The following RPS6KC1 variants were observed in gnomAD, a reference collection of about 807,000 sequenced individuals.
RPS6KC1 encodes the protein inactive ribosomal protein S6 kinase delta-1.
RPS6KC1 carries 54 observed loss-of-function variants against 103.8 expected under a neutral mutation model. The ratio of observed to expected loss-of-function variants is 0.52; its 90% CI spans 0.42 to 0.65. The LOEUF (loss-of-function observed/expected upper bound fraction) is 0.65. RPS6KC1 is among the 30% of genes least tolerant of loss of function. RPS6KC1 has a pLI of 0.00. For synonymous variants in RPS6KC1, 439 were observed against 438.7 expected, an observed-to-expected ratio of 1.00 and a Z score of -0.01; for missense variants, 1,151 against 1,253.8, an observed-to-expected ratio of 0.92 and a Z score of 1.24.
the RPS6KC1 span, among the ~76,000 whole-genome samples, chr1:213,611,801 C>A: frequency 6.6e-6 from 1 of 152,134 alleles, no homozygotes; most frequent in African/African-American, 2.4e-5. Context: ...ATACTTGGAG[C>A]CATCAAACTG....
chr1:213,053,985 T>G (rs1976333), intron 1 of RPS6KC1, among the ~76,000 whole-genome samples: 110,374 of 151,898 alleles, frequency 0.73, 40,876 homozygotes, highest in African/African-American at 0.86. Flanking sequence ...ACAGGCGCCC[T>G]CCACCATACC....
intron 6 of RPS6KC1, among the ~76,000 whole-genome samples, chr1:213,131,278 T>C (rs1217910322): frequency 2.0e-5 from 3 of 152,222 alleles, no homozygotes; most frequent in Non-Finnish European, 2.9e-5. Flanking sequence ...TTTCAAATAA[T>C]TGATTCTAAA....
intron 8 of RPS6KC1, among the ~76,000 whole-genome samples, chr1:213,208,458 A>T (rs1404791225): frequency 6.6e-6 from 1 of 151,964 alleles, no homozygotes; most frequent in Admixed American, 6.5e-5. Context: ...TTTCACAGTG[A>T]TGTTGTGGTG....
At chr1:213,852,099 T>G in the RPS6KC1 span, among the ~76,000 whole-genome samples, 1 of 152,146 alleles carries the variant, frequency 6.6e-6, no homozygotes, top group Non-Finnish European at 1.5e-5. Context: ...CTTGACCTTG[T>G]CAAACATTCC....
At chr1:213,254,982 A>C (rs754415505) in intron 12 of RPS6KC1, among the ~76,000 whole-genome samples, 12 of 152,116 alleles carry the variant, frequency 7.9e-5, no homozygotes, top group Non-Finnish European at 1.5e-4. Flanking sequence ...GGCAAAAAAA[A>C]AAAGTGGTAG....
At chr1:213,617,880 G>C in the RPS6KC1 span, among the ~76,000 whole-genome samples, 4 of 152,336 alleles carry the variant, frequency 2.6e-5, no homozygotes, top group African/African-American at 7.2e-5. Flanking sequence ...CCATCGAGGA[G>C]ATTTAGACAG....
At chr1:213,519,350 A>C in the RPS6KC1 span, among the ~76,000 whole-genome samples, 1 of 152,200 alleles carries the variant, frequency 6.6e-6, no homozygotes, top group African/African-American at 2.4e-5. Flanking sequence ...CGAGCTTATA[A>C]AACTGAGAAA....
chr1:213,618,584 A>G, the RPS6KC1 span, among the ~76,000 whole-genome samples: 1 of 152,226 alleles, frequency 6.6e-6, no homozygotes. Flanking sequence ...CACTAGAATG[A>G]GTATTATTTT....
At chr1:213,083,193 TG>T (rs2080061655) in intron 3 of RPS6KC1, among the ~76,000 whole-genome samples, 1 of 152,156 alleles carries the variant, frequency 6.6e-6, no homozygotes, top group Non-Finnish European at 1.5e-5. Flanking sequence ...CAAATTTTAC[TG>T]GAAGGAAGGC....
chr1:213,584,754 G>C, the RPS6KC1 span, among the ~76,000 whole-genome samples: 1 of 152,178 alleles, frequency 6.6e-6, no homozygotes, highest in Admixed American at 6.5e-5. Flanking sequence ...GAAGATGAAT[G>C]GTTCTTAGGT....
At chr1:213,486,543 G>A in the RPS6KC1 span, among the ~76,000 whole-genome samples, 18 of 152,112 alleles carry the variant, frequency 1.2e-4, no homozygotes, top group African/African-American at 4.3e-4. Context: ...GAAAGGTGAT[G>A]TTTGAGTACT....
At chr1:213,612,884 T>C in the RPS6KC1 span, among the ~76,000 whole-genome samples, 1 of 152,200 alleles carries the variant, frequency 6.6e-6, no homozygotes, top group South Asian at 2.1e-4. Flanking sequence ...TACCTTCTCC[T>C]TCAGAGAATA....
At chr1:213,387,711 G>A in the RPS6KC1 span, among the ~76,000 whole-genome samples, 1 of 152,242 alleles carries the variant, frequency 6.6e-6, no homozygotes, top group East Asian at 1.9e-4. Context: ...GTTAGCAGAA[G>A]CTAAAGAAAA....
chr1:213,129,896 T>C lies in RPS6KC1; in HGVS notation c.835+7T>C. 6.3e-7 allele frequency: 1 copy of C among 1,575,238 alleles called. No homozygotes were observed. The highest frequency in any genetic ancestry group is 8.6e-7 in the Non-Finnish European group (1 of 1,169,404). On this transcript the variant is annotated splice_region_variant and intron_variant, in intron 6 of 14. Coordinates refer to ENST00000366960, the MANE Select transcript of RPS6KC1 (RefSeq NM_012424.6). ...CTCCTAGAAGGTGTTCAAGGTATGGTTTTATGTATATTATGTTTTGGCATG... is the reference window on the plus strand; with the variant it reads ...CTCCTAGAAGGTGTTCAAGGTATGGCTTTATGTATATTATGTTTTGGCATG...
At chr1:213,460,142 A>C in the RPS6KC1 span, among the ~76,000 whole-genome samples, 1 of 152,080 alleles carries the variant, frequency 6.6e-6, no homozygotes, top group Non-Finnish European at 1.5e-5. Flanking sequence ...TATCCTTGTT[A>C]ATTTTTTGTC....
the RPS6KC1 span, among the ~76,000 whole-genome samples, chr1:213,447,615 A>G: frequency 6.6e-6 from 1 of 152,148 alleles, no homozygotes; most frequent in Non-Finnish European, 1.5e-5. Flanking sequence ...ACTGTATTGG[A>G]TGACATGGGT....
At chr1:213,518,572 G>A in the RPS6KC1 span, among the ~76,000 whole-genome samples, 8 of 152,262 alleles carry the variant, frequency 5.3e-5, no homozygotes, top group Middle Eastern at 3.4e-3. Context: ...TAATTAATTT[G>A]TTCTTTAAAG....
intron 3 of RPS6KC1, among the ~76,000 whole-genome samples, chr1:213,094,992 TA>T (rs2081322003): frequency 6.6e-6 from 1 of 152,198 alleles, no homozygotes; most frequent in African/African-American, 2.4e-5. Flanking sequence ...ATCATAGAAT[TA>T]GAATTGAGAG....
chr1:213,729,349 T>C, the RPS6KC1 span, among the ~76,000 whole-genome samples: 4 of 152,268 alleles, frequency 2.6e-5, no homozygotes, highest in East Asian at 7.7e-4. Context: ...ACTCCTTTGG[T>C]GTCCTGGGGC....
Sources: allele counts gnomAD v4.1 joint callset (sites outside exome capture counted in the v4.1 genomes callset), GRCh38; gene constraint gnomAD v4.1.1; transcripts MANE v1.5; gene names NCBI Gene and HGNC (gene_info 2026-07-23, HGNC 2026-07-21).